RNF121: variants seen among roughly 807,000 people sequenced by gnomAD.
The protein encoded by RNF121 is ring finger protein 121, also known as E3 ubiquitin ligase RNF121.
RNF121 carries 21 observed loss-of-function variants against 46.5 expected under a neutral mutation model. That is an observed-to-expected ratio of 0.45 (90% CI 0.32 to 0.65). RNF121 has a LOEUF of 0.65. RNF121 is among the 30% of genes least tolerant of loss of function. RNF121 has a pLI of 0.04. For synonymous variants in RNF121, 139 were observed against 144.7 expected, an observed-to-expected ratio of 0.96 and a Z score of 0.28; for missense variants, 346 against 416.0, an observed-to-expected ratio of 0.83 and a Z score of 1.46.
At chr11:71,988,812 A>AC (rs1332919080) in intron 5 of RNF121, among the ~76,000 whole-genome samples, 2 of 151,892 alleles carry the variant, frequency 1.3e-5, no homozygotes, top group East Asian at 1.9e-4. Context: ...ACAAAGGGAG[A>AC]CCCCCATCTC....
chr11:71,982,732 G>C (rs1954689963), intron 3 of RNF121, 29 bp from the exon 4 acceptor site: 6 of 1,592,308 alleles, frequency 3.8e-6, no homozygotes, highest in Non-Finnish European at 4.3e-6. Flanking sequence ...GAGCTGGCCA[G>C]AGCTGAAGTG....
At chr11:71,963,759 A>G (rs1162649633) in intron 3 of RNF121, among the ~76,000 whole-genome samples, 1 of 152,222 alleles carries the variant, frequency 6.6e-6, no homozygotes, top group Non-Finnish European at 1.5e-5. Context: ...CATTTATTGA[A>G]GAGACTTCTT....
intron 3 of RNF121, among the ~76,000 whole-genome samples, chr11:71,973,930 A>G (rs1309122635): frequency 1.3e-5 from 2 of 152,092 alleles, no homozygotes; most frequent in African/African-American, 4.8e-5. Flanking sequence ...AAAGCCCTGT[A>G]TTTTTTTGTT....
At chr11:71,982,117 G>A (rs549339442) in intron 3 of RNF121, among the ~76,000 whole-genome samples, 10 of 152,082 alleles carry the variant, frequency 6.6e-5, no homozygotes, top group Non-Finnish European at 7.4e-5. Flanking sequence ...ATAGTAGGTC[G>A]GGGCCATACC....
At chr11:71,958,733 C>T (rs1284357201) in intron 2 of RNF121, among the ~76,000 whole-genome samples, 1 of 152,100 alleles carries the variant, frequency 6.6e-6, no homozygotes, top group Non-Finnish European at 1.5e-5. Flanking sequence ...TATGTACCTA[C>T]AATGTGCCAG....
intron 3 of RNF121, among the ~76,000 whole-genome samples, chr11:71,980,963 T>C (rs1320781576): frequency 6.6e-6 from 1 of 152,196 alleles, no homozygotes; most frequent in South Asian, 2.1e-4. Context: ...TTTTTAAAAA[T>C]GTAACTAGAA....
At chr11:71,983,643 C>T (rs1481036241) in intron 4 of RNF121, 1 of 152,242 alleles carries the variant, frequency 6.6e-6, no homozygotes, top group African/African-American at 2.4e-5. Flanking sequence ...AAATAAGCAC[C>T]TACTGTGTGC....
intron 1 of RNF121, 23 bp from the exon 2 acceptor site, chr11:71,957,204 T>G (rs1378557654): frequency 6.5e-7 from 1 of 1,546,942 alleles, no homozygotes; most frequent in Non-Finnish European, 8.9e-7. Context: ...GTAACGGATT[T>G]TTCTGGTGGT....
At chr11:71,982,660 G>C in intron 3 of RNF121, 101 bp from the exon 4 acceptor site, 2 of 1,317,026 alleles carry the variant, frequency 1.5e-6, no homozygotes, top group South Asian at 3.1e-5. Flanking sequence ...GTAAATACAG[G>C]AGAGGATCAA....
At chr11:71,966,001 A>G (rs75845526) in intron 3 of RNF121, among the ~76,000 whole-genome samples, 4,950 of 152,274 alleles carry the variant, frequency 0.033, 77 homozygotes, top group East Asian at 0.078. Context: ...ATTTGTTCAT[A>G]TCATTGACTA....
At chr11:71,956,223 T>C (rs1953989258) in intron 1 of RNF121, among the ~76,000 whole-genome samples, 1 of 152,192 alleles carries the variant, frequency 6.6e-6, no homozygotes, top group Non-Finnish European at 1.5e-5. Flanking sequence ...TGAGTATTTC[T>C]AAGGCCTTGT....
intron 1 of RNF121, among the ~76,000 whole-genome samples, chr11:71,938,314 A>AGTT (rs1953470946): frequency 1.1e-5 from 1 of 94,926 alleles, no homozygotes; most frequent in Non-Finnish European, 2.0e-5. Flanking sequence ...TAGTCTCTTA[A>AGTT]TTTTTTTTTT....
chr11:71,992,229 C>T (rs1053258236), intron 6 of RNF121, among the ~76,000 whole-genome samples: 10 of 152,170 alleles, frequency 6.6e-5, no homozygotes, highest in African/African-American at 2.2e-4. Flanking sequence ...AGGAGTTGCT[C>T]CTTACAATTT....
intron 3 of RNF121, among the ~76,000 whole-genome samples, chr11:71,965,598 G>A (rs1433956504): frequency 6.6e-6 from 1 of 152,184 alleles, no homozygotes; most frequent in Middle Eastern, 3.4e-3. Context: ...TACCTTTATC[G>A]ATTGACTTGT....
At chr11:71,942,781 T>TATATATATATATATATATATATAG in intron 1 of RNF121, among the ~76,000 whole-genome samples, 1 of 12,660 alleles carries the variant, frequency 7.9e-5, no homozygotes, top group Admixed American at 4.5e-4. Flanking sequence ...TGTATATATA[T>TATATATATATATATATATATATAG]ATATATATAG....
intron 1 of RNF121, among the ~76,000 whole-genome samples, chr11:71,941,917 G>T (rs1953577115): frequency 6.7e-6 from 1 of 149,286 alleles, no homozygotes; most frequent in Admixed American, 6.8e-5. Flanking sequence ...ATTTTATTGA[G>T]CGTGTAATGA....
rs563219718 is a variant in RNF121 at position 71,941,427 on chromosome 11, C to T, written c.63+12303C>T. Among the ~76,000 whole-genome samples, 14 of 152,312 alleles carry T rather than the reference C, an allele frequency of 9.2e-5. No homozygotes were observed. In the East Asian group the frequency reaches 2.1e-3, roughly 23 times the overall value. On this transcript the variant is annotated intron_variant, in intron 1 of 8. Transcript: ENST00000361756. ...TATTCATTATTTCCTTCTTCAAATACTTGTGACTTCAGTGTCAAACATTTT... is the reference window on the plus strand; with the variant it reads ...TATTCATTATTTCCTTCTTCAAATATTTGTGACTTCAGTGTCAAACATTTT...
Position 71,996,394 on chromosome 11 carries a change from C to T in RNF121, c.*79C>T. On this transcript the variant is annotated 3_prime_UTR_variant, in exon 9 of 9. Coordinates refer to ENST00000361756, the MANE Select transcript of RNF121 (RefSeq NM_018320.5). ...CTCTCCTCCCTGCCCACAAAGACCT[C>T]CTGGGTGGGAAAGACTCAAAGGGGT... 2 of 1,550,818 alleles carry T rather than the reference C, an allele frequency of 1.3e-6. No homozygotes were observed. The highest frequency in any genetic ancestry group is 8.8e-7 in the Non-Finnish European group (1 of 1,141,850).
In RNF121 at chr11:71,996,235, T is replaced by C; in HGVS notation, c.904T>C (p.Trp302Arg). The C allele has an allele frequency of 6.2e-7, 1 of 1,614,210 alleles. No individual in the cohort carries two copies. The highest frequency in any genetic ancestry group is 8.5e-7 in the Non-Finnish European group (1 of 1,180,004). Reference sequence around the variant, plus strand: ...CGTCATGTATGGGCAACTGCTGGACTGGCTTCGATACTTGGTAGCCTGGCA... The same window carrying C: ...CGTCATGTATGGGCAACTGCTGGACCGGCTTCGATACTTGGTAGCCTGGCA... The part of the protein sequence containing the change: ...PHVMYGQLLD[W>R]LRYLVAWQPV... Residue 302 changes from tryptophan (W) to arginine (R), a missense_variant, in exon 9 of 9, where the codon TGG (tryptophan) becomes CGG (arginine). Coordinates refer to ENST00000361756, the MANE Select transcript of RNF121 (RefSeq NM_018320.5).
Sources: allele counts gnomAD v4.1 joint callset (sites outside exome capture counted in the v4.1 genomes callset), GRCh38; gene constraint gnomAD v4.1.1; transcripts MANE v1.5; gene names NCBI Gene and HGNC (gene_info 2026-07-23, HGNC 2026-07-21).